The following NDST4 variants were observed in gnomAD, a reference collection of about 807,000 sequenced individuals.
NDST4 encodes the protein N-heparan sulfate sulfotransferase 4.
In NDST4, 63 loss-of-function variants were observed where a neutral mutation model predicts 100.8. The observed-to-expected ratio is 0.62, with a 90% confidence interval of 0.51 to 0.77. The LOEUF is 0.77. NDST4 is among the 30% of genes least tolerant of loss of function. The pLI, the probability that NDST4 is intolerant of heterozygous loss-of-function variation, is 0.00. For missense variants in NDST4, 943 were observed against 1,018.4 expected, an observed-to-expected ratio of 0.93 and a Z score of 1.01; for synonymous variants, 377 against 361.8, an observed-to-expected ratio of 1.04 and a Z score of -0.48.
rs1727491776 is a variant in NDST4 at position 115,009,379 on chromosome 4, T to C, written c.979-32105A>G. Among the ~76,000 whole-genome samples the C allele has an allele frequency of 2.4e-5, 3 of 127,440 alleles. 1 individual carries two copies. The Admixed American group carries it at 2.4e-4, about 10-fold the overall frequency. 83.6% of individuals were successfully genotyped at this position (127,440 alleles called of 152,430 possible). A position where few individuals can be genotyped will look rare whatever the true frequency, so the allele number is the denominator to read the frequency against. On this transcript the variant is annotated intron_variant, in intron 2 of 13. Transcript: ENST00000264363. ...AGAACAGAGCCCTCAGAAATAATGCTGCATATCTACAACTATCTGATCCTT... is the reference window on the plus strand; with the variant it reads ...AGAACAGAGCCCTCAGAAATAATGCCGCATATCTACAACTATCTGATCCTT...
chr4:114,884,510 A>G (rs1724436997), intron 6 of NDST4, among the ~76,000 whole-genome samples: 1 of 152,148 alleles, frequency 6.6e-6, no homozygotes, highest in African/African-American at 2.4e-5. Flanking sequence ...ATATAACCAT[A>G]CATGTTCTGA....
intron 6 of NDST4, among the ~76,000 whole-genome samples, chr4:114,894,551 G>T (rs1014034718): frequency 6.6e-6 from 1 of 152,104 alleles, no homozygotes. Flanking sequence ...GCCTATTGTT[G>T]CTGTAAAGGA....
At chr4:115,030,550 G>A (rs566188703) in intron 2 of NDST4, among the ~76,000 whole-genome samples, 1 of 152,194 alleles carries the variant, frequency 6.6e-6, no homozygotes, top group East Asian at 1.9e-4. Context: ...AGTCTTACAG[G>A]CAAGTCAGAC....
At chr4:114,864,474 T>C (rs1222315928) in intron 7 of NDST4, among the ~76,000 whole-genome samples, 1 of 152,196 alleles carries the variant, frequency 6.6e-6, no homozygotes, top group Non-Finnish European at 1.5e-5. Context: ...AGTTGTATTG[T>C]ACAGGGTGGT....
At chr4:114,985,010 A>G (rs1195654773) in intron 2 of NDST4, among the ~76,000 whole-genome samples, 1 of 152,178 alleles carries the variant, frequency 6.6e-6, no homozygotes, top group South Asian at 2.1e-4. Context: ...AAAAACTTAT[A>G]CCAAGTTTTC....
chr4:114,939,648 A>G (rs1763459370), intron 4 of NDST4, among the ~76,000 whole-genome samples: 1 of 150,606 alleles, frequency 6.6e-6, no homozygotes, highest in Non-Finnish European at 1.5e-5. Context: ...GAGACATTTC[A>G]CTTTTGACAG....
intron 4 of NDST4, among the ~76,000 whole-genome samples, chr4:114,942,248 C>G (rs7695449): frequency 0.11 from 16,693 of 152,106 alleles, 1,375 homozygotes; most frequent in East Asian, 0.4. Flanking sequence ...ACGTTAAGCA[C>G]TTTGCTAAGT....
At chr4:114,852,082 A>G (rs1450802962) in intron 8 of NDST4, among the ~76,000 whole-genome samples, 1 of 152,182 alleles carries the variant, frequency 6.6e-6, no homozygotes, top group Non-Finnish European at 1.5e-5. Context: ...AGTATAAAAT[A>G]TTCTAATTGA....
chr4:114,974,107 C>T (rs1383705117), intron 3 of NDST4, among the ~76,000 whole-genome samples: 2 of 151,756 alleles, frequency 1.3e-5, no homozygotes, highest in East Asian at 1.9e-4. Flanking sequence ...AAGCATTGCT[C>T]CTAATAAAAG....
intron 8 of NDST4, among the ~76,000 whole-genome samples, chr4:114,852,426 G>A (rs1309626780): frequency 6.6e-6 from 1 of 152,112 alleles, no homozygotes; most frequent in African/African-American, 2.4e-5. Context: ...AATTAAAGAT[G>A]AGGTACAACA....
chr4:114,842,893 C>T (rs1723460099), intron 10 of NDST4: 1 of 153,838 alleles, frequency 6.5e-6, no homozygotes, highest in African/African-American at 2.4e-5. Flanking sequence ...ATTTATTGTA[C>T]TGTGATTGTG....
intron 2 of NDST4, among the ~76,000 whole-genome samples, chr4:115,063,059 G>A (rs1245975118): frequency 3.3e-5 from 5 of 151,842 alleles, no homozygotes; most frequent in African/African-American, 1.2e-4. Context: ...CCTCTCCAGT[G>A]GTAGCAAAAA....
At chr4:114,969,287 C>T (rs1419423650) in intron 4 of NDST4, among the ~76,000 whole-genome samples, 2 of 135,790 alleles carry the variant, frequency 1.5e-5, no homozygotes, top group Non-Finnish European at 3.0e-5. Context: ...GCACTCCAGC[C>T]TGGGTGACAG....
chr4:115,073,988 G>T (rs1427834143), intron 2 of NDST4, among the ~76,000 whole-genome samples: 1 of 151,568 alleles, frequency 6.6e-6, no homozygotes, highest in African/African-American at 2.4e-5. Context: ...CAACAAAAGA[G>T]GCAGTAAAGA....
intron 2 of NDST4, among the ~76,000 whole-genome samples, chr4:114,993,180 C>T (rs1727077536): frequency 6.6e-6 from 1 of 151,644 alleles, no homozygotes; most frequent in African/African-American, 2.4e-5. Flanking sequence ...AATATTTTTG[C>T]TTATTATTCT....
chr4:114,960,334 G>A (rs1726232996), intron 4 of NDST4, among the ~76,000 whole-genome samples: 1 of 152,252 alleles, frequency 6.6e-6, no homozygotes, highest in Admixed American at 6.5e-5. Flanking sequence ...AAGGCTGGGT[G>A]TGGTGGCTCA....
chr4:114,838,351 T>C (rs1040965346), intron 11 of NDST4, among the ~76,000 whole-genome samples: 1 of 152,262 alleles, frequency 6.6e-6, no homozygotes, highest in Middle Eastern at 3.4e-3. Context: ...ATCATTCTAA[T>C]ATAAAGTCAC....
At chr4:115,056,185 C>T (rs936422510) in intron 2 of NDST4, among the ~76,000 whole-genome samples, 1 of 152,056 alleles carries the variant, frequency 6.6e-6, no homozygotes, top group South Asian at 2.1e-4. Context: ...AACCTCATCT[C>T]TACAAAAGAT....
At chr4:114,921,566 C>T (rs1257372260) in intron 6 of NDST4, among the ~76,000 whole-genome samples, 3 of 151,876 alleles carry the variant, frequency 2.0e-5, no homozygotes, top group Non-Finnish European at 2.9e-5. Context: ...TATTTTTTGT[C>T]CAAAAAATAA....
Sources: gnomAD v4.1 joint callset for allele counts (sites outside exome capture counted in the v4.1 genomes callset) on GRCh38, gnomAD v4.1.1 for gene constraint, MANE v1.5 for transcripts, NCBI Gene and HGNC (gene_info 2026-07-23, HGNC 2026-07-21) for gene names.